The following ZNF503 variants were observed in gnomAD, a reference collection of about 807,000 sequenced individuals.
ZNF503 encodes the protein NocA-like zinc finger 2.
A neutral mutation model predicts 34.4 loss-of-function variants in ZNF503; 15 were observed. The ratio of observed to expected loss-of-function variants is 0.44; its 90% CI spans 0.29 to 0.67. The LOEUF (loss-of-function observed/expected upper bound fraction) is 0.67. ZNF503 is among the 30% of genes least tolerant of loss of function. The pLI is 0.13. For missense variants in ZNF503, 1,007 were observed against 926.8 expected (o/e 1.09, Z -1.12); for synonymous variants, 580 against 456.8 (o/e 1.27, Z -3.44).
At chr10:75,331,946 T>C in the ZNF503 span, among the ~76,000 whole-genome samples, 18 of 152,256 alleles carry the variant, frequency 1.2e-4, no homozygotes, top group South Asian at 3.1e-3. Flanking sequence ...TTTACTGTTT[T>C]TGACTTAAAG....
At chr10:75,299,660 C>A in the ZNF503 span, among the ~76,000 whole-genome samples, 1 of 152,032 alleles carries the variant, frequency 6.6e-6, no homozygotes, top group Non-Finnish European at 1.5e-5. Flanking sequence ...TAAGCGCTGG[C>A]CAGTTTGAGA....
chr10:75,345,918 C>G, the ZNF503 span, among the ~76,000 whole-genome samples: 100 of 152,272 alleles, frequency 6.6e-4, no homozygotes, highest in Middle Eastern at 6.8e-3. Context: ...CTGTGTGCAT[C>G]CAGGCATCTG....
chr10:75,303,950 C>T, the ZNF503 span, among the ~76,000 whole-genome samples: 3 of 151,730 alleles, frequency 2.0e-5, no homozygotes, highest in East Asian at 5.8e-4. Context: ...TCTCCTGCCT[C>T]AGCCTCCTGA....
chr10:75,314,985 A>T, the ZNF503 span, among the ~76,000 whole-genome samples: 1 of 152,262 alleles, frequency 6.6e-6, no homozygotes, highest in Non-Finnish European at 1.5e-5. Context: ...GTATATAGTT[A>T]ATTCAGATTA....
At chr10:75,310,027 T>A in the ZNF503 span, among the ~76,000 whole-genome samples, 1 of 152,162 alleles carries the variant, frequency 6.6e-6, no homozygotes, top group African/African-American at 2.4e-5. Flanking sequence ...TTCCTGGGAG[T>A]TGTCTTATAG....
chr10:75,344,963 C>A, the ZNF503 span, among the ~76,000 whole-genome samples: 4 of 152,334 alleles, frequency 2.6e-5, no homozygotes, highest in East Asian at 3.9e-4. Context: ...CTTTAAGCCA[C>A]CCATGTCATG....
the ZNF503 span, among the ~76,000 whole-genome samples, chr10:75,280,535 A>G: frequency 6.8e-6 from 1 of 148,088 alleles, no homozygotes; most frequent in East Asian, 2.0e-4. Context: ...TGGGCTTGGT[A>G]TCTTGGAGGG....
At chr10:75,381,299 C>A in the ZNF503 span, among the ~76,000 whole-genome samples, 1 of 152,174 alleles carries the variant, frequency 6.6e-6, no homozygotes, top group African/African-American at 2.4e-5. Context: ...TCACAGGTCA[C>A]TGCAGCCTCA....
At chr10:75,384,276 TA>T in the ZNF503 span, among the ~76,000 whole-genome samples, 21 of 151,984 alleles carry the variant, frequency 1.4e-4, no homozygotes, top group Non-Finnish European at 2.5e-4. Flanking sequence ...CACACACTGA[TA>T]ATCTCACACA....
At chr10:75,397,822 A>G (rs1310849819), downstream of ZNF503, 2 of 152,610 alleles carry the variant, frequency 1.3e-5, no homozygotes, top group African/African-American at 2.4e-5. Context: ...AATAAAAAAG[A>G]TAAGAAGAAG....
At chr10:75,328,751 T>C in the ZNF503 span, among the ~76,000 whole-genome samples, 1 of 149,026 alleles carries the variant, frequency 6.7e-6, no homozygotes, top group East Asian at 1.9e-4. Context: ...CTTTTCTTTT[T>C]TTTTTTTTTT....
chr10:75,324,691 ACCATAATAT>A, the ZNF503 span, among the ~76,000 whole-genome samples: 1 of 152,208 alleles, frequency 6.6e-6, no homozygotes, highest in African/African-American at 2.4e-5. Flanking sequence ...TAATTCACAT[ACCATAATAT>A]TCACTCCTTT....
the ZNF503 span, among the ~76,000 whole-genome samples, chr10:75,356,559 G>A: frequency 1.3e-5 from 2 of 152,224 alleles, no homozygotes; most frequent in African/African-American, 4.8e-5. Flanking sequence ...CATCTGCCTA[G>A]CTCAGAGGAA....
In ZNF503 at chr10:75,399,021, T is replaced by C. The variant is rs750316730; in HGVS notation, c.1669A>G (p.Ser557Gly). Residue 557 changes from serine to glycine, a missense_variant, in exon 2 of 2, where the codon AGC (serine) becomes GGC (glycine). By Grantham distance (56) the Ser-to-Gly change is moderately conservative. Coordinates refer to ENST00000372524, the MANE Select transcript of ZNF503 (RefSeq NM_032772.6). ...GTDKLLSGYP[S>G]SSSLASAAAA... ...GCAGCGCTGGCCAGAGACGACGAGC[T>C]GGGGTAGCCCGACAGCAGTTTGTCT... 18 of 1,610,488 alleles carry C rather than the reference T, an allele frequency of 1.1e-5. No individual in the cohort carries two copies. The African/African-American group carries it at 2.0e-4, about 18-fold the overall frequency.
chr10:75,355,362 A>G, the ZNF503 span, among the ~76,000 whole-genome samples: 1 of 152,144 alleles, frequency 6.6e-6, no homozygotes, highest in Non-Finnish European at 1.5e-5. Flanking sequence ...ACCTTTCATG[A>G]TATTATTTAT....
chr10:75,386,482 A>G, the ZNF503 span, among the ~76,000 whole-genome samples: 1 of 152,142 alleles, frequency 6.6e-6, no homozygotes, highest in Non-Finnish European at 1.5e-5. Context: ...TGTCCATTCC[A>G]GCTCAGCCAT....
At chr10:75,312,993 A>T in the ZNF503 span, among the ~76,000 whole-genome samples, 1 of 152,292 alleles carries the variant, frequency 6.6e-6, no homozygotes, top group Non-Finnish European at 1.5e-5. Flanking sequence ...CTTGCCTGAC[A>T]CCATGTAAGA....
At chr10:75,354,028 C>CATTT in the ZNF503 span, among the ~76,000 whole-genome samples, 1 of 152,204 alleles carries the variant, frequency 6.6e-6, no homozygotes, top group African/African-American at 2.4e-5. Flanking sequence ...TCCAGTGGCA[C>CATTT]ATTTGAGCTG....
the ZNF503 span, chr10:75,338,380 G>T: frequency 6.6e-6 from 1 of 152,200 alleles, no homozygotes; most frequent in South Asian, 2.1e-4. Flanking sequence ...TGATCCTGAA[G>T]TCTCTCACTT....
Sources: gnomAD v4.1 joint callset for allele counts (sites outside exome capture counted in the v4.1 genomes callset) on GRCh38, gnomAD v4.1.1 for gene constraint, MANE v1.5 for transcripts, NCBI Gene and HGNC (gene_info 2026-07-23, HGNC 2026-07-21) for gene names.